STAM: variants seen among roughly 807,000 people sequenced by gnomAD.
STAM encodes signal transducing adaptor molecule.
STAM carries 16 observed loss-of-function variants against 63.4 expected under a neutral mutation model. The ratio of observed to expected loss-of-function variants is 0.25; its 90% confidence interval spans 0.17 to 0.38. STAM has a LOEUF of 0.38. STAM is among the 10% of genes least tolerant of loss of function. STAM has a pLI of 1.00. For synonymous variants in STAM, 238 were observed against 223.9 expected (o/e 1.06, Z -0.56); for missense variants, 636 against 657.1 (o/e 0.97, Z 0.35).
intron 9 of STAM, among the ~76,000 whole-genome samples, chr10:17,703,378 T>G (rs1431679817): frequency 6.6e-6 from 1 of 151,972 alleles, no homozygotes; most frequent in African/African-American, 2.4e-5. Flanking sequence ...TCTCTGATGA[T>G]TAATTCGTTT....
At chr10:17,661,030 T>C (rs1834147064) in intron 2 of STAM, among the ~76,000 whole-genome samples, 1 of 152,190 alleles carries the variant, frequency 6.6e-6, no homozygotes, top group Non-Finnish European at 1.5e-5. Context: ...TTTTCTCCTT[T>C]GTCAGATTTG....
intron 1 of STAM, among the ~76,000 whole-genome samples, 200 bp from the exon 2 acceptor site, chr10:17,660,264 T>C (rs7091657): frequency 0.11 from 16,747 of 152,170 alleles, 987 homozygotes; most frequent in Middle Eastern, 0.16. Context: ...GGCAACTGCA[T>C]TGTGAATAGG....
chr10:17,698,321 A>T (rs1490122238), intron 8 of STAM, among the ~76,000 whole-genome samples: 1 of 151,462 alleles, frequency 6.6e-6, no homozygotes, highest in African/African-American at 2.4e-5. Context: ...TTTTTGGACT[A>T]TTTTTTTGTC....
chr10:17,685,042 T>C, intron 4 of STAM, 115 bp downstream of exon 4: 1 of 771,094 alleles, frequency 1.3e-6, no homozygotes, highest in Middle Eastern at 3.8e-4. Flanking sequence ...CTTTCTAGGC[T>C]GTGTCTATCC....
chr10:17,654,159 A>G (rs965871115), intron 1 of STAM, among the ~76,000 whole-genome samples: 1 of 152,174 alleles, frequency 6.6e-6, no homozygotes, highest in African/African-American at 2.4e-5. Context: ...AGTGCATTGT[A>G]GAGGGTTTCT....
At chr10:17,696,595 C>G in intron 7 of STAM, 180 bp from the exon 8 acceptor site, 2 of 549,686 alleles carry the variant, frequency 3.6e-6, no homozygotes, top group Non-Finnish European at 6.4e-6. Context: ...TGTTGAATAG[C>G]TTCTTACCTT....
chr10:17,648,407 A>C (rs1589016168), intron 1 of STAM, among the ~76,000 whole-genome samples: 1 of 152,218 alleles, frequency 6.6e-6, no homozygotes, highest in East Asian at 1.9e-4. Context: ...AAATAAGAGA[A>C]TAAAAGCTGG....
At chr10:17,701,587 G>C (rs1485068554) in intron 9 of STAM, among the ~76,000 whole-genome samples, 8 of 152,174 alleles carry the variant, frequency 5.3e-5, no homozygotes, top group African/African-American at 1.9e-4. Flanking sequence ...TTACTGGCGG[G>C]CCATTACAGA....
At chr10:17,680,652 C>T (rs1455999482) in intron 2 of STAM, among the ~76,000 whole-genome samples, 1 of 152,132 alleles carries the variant, frequency 6.6e-6, no homozygotes, top group Non-Finnish European at 1.5e-5. Context: ...AGCAATCCTT[C>T]CACCTTCATC....
intron 1 of STAM, among the ~76,000 whole-genome samples, chr10:17,646,660 C>G (rs1554820865): frequency 2.6e-5 from 4 of 152,162 alleles, no homozygotes; most frequent in African/African-American, 9.7e-5. Context: ...TGGTATTGGA[C>G]CAATTCTCTT....
At chr10:17,705,833 C>A in intron 12 of STAM, 92 bp downstream of exon 12, 2 of 1,259,486 alleles carry the variant, frequency 1.6e-6, no homozygotes, top group Admixed American at 2.3e-5. Flanking sequence ...TTTGGGAGGC[C>A]AAGGCAAGAG....
chr10:17,710,251 C>T (rs945279392), intron 13 of STAM, among the ~76,000 whole-genome samples: 1 of 152,038 alleles, frequency 6.6e-6, no homozygotes, highest in South Asian at 2.1e-4. Flanking sequence ...AAGGTCGGGG[C>T]CTTGGGAAAT....
At chr10:17,694,798 T>A (rs961249662) in intron 6 of STAM, 1 of 340,778 alleles carries the variant, frequency 2.9e-6, no homozygotes, top group African/African-American at 2.1e-5. Context: ...CAGAATAATT[T>A]ACATTGTATT....
intron 1 of STAM, among the ~76,000 whole-genome samples, chr10:17,656,854 T>C (rs782010951): frequency 7.9e-5 from 12 of 152,186 alleles, no homozygotes; most frequent in Non-Finnish European, 1.6e-4. Flanking sequence ...GAAAGGAAAG[T>C]GCCCTTGGAA....
At chr10:17,683,214 A>G (rs1306927746) in intron 2 of STAM, among the ~76,000 whole-genome samples, 2 of 152,060 alleles carry the variant, frequency 1.3e-5, no homozygotes, top group African/African-American at 4.8e-5. Flanking sequence ...CTCAGGATGG[A>G]GTACGGTGGT....
At chr10:17,695,362 G>C (rs79344034) in intron 7 of STAM, 121 bp downstream of exon 7, 2 of 893,162 alleles carry the variant, frequency 2.2e-6, no homozygotes, top group Non-Finnish European at 1.6e-6. Context: ...ATGCTGCTCT[G>C]TATGACAGTT....
In STAM at chr10:17,714,192, T is replaced by C. The variant is rs1314813279; in HGVS notation, c.1386-351T>C. ...CCCCAGCTGCTCTTTGTCCTCCGTATTGGGCTTTGTTTTTGTTCTTACCAG... is the reference window on the plus strand; with the variant it reads ...CCCCAGCTGCTCTTTGTCCTCCGTACTGGGCTTTGTTTTTGTTCTTACCAG... On this transcript the variant is annotated intron_variant, in intron 13 of 13. Transcript: ENST00000377524. 2.6e-5 allele frequency among the ~76,000 whole-genome samples: 4 copies of C among 152,318 alleles called. No individual in the cohort carries two copies. The East Asian group carries it at 7.7e-4, about 29-fold the overall frequency.
At position 17,670,545 on chromosome 10, in the gene STAM, C is replaced by G. The variant is rs1446746804; in HGVS notation, c.125+9997C>G. 3.9e-5 allele frequency among the ~76,000 whole-genome samples: 6 copies of G among 152,266 alleles called. No individual in the cohort carries two copies. In the South Asian group the frequency reaches 1.2e-3, roughly 32 times the overall value. ...AAAGTTTTTGGTGATTCCTCTCTCC[C>G]CATACGTTATGTTACATTGTGTTTT... On this transcript the variant is annotated intron_variant, in intron 2 of 13. Transcript: ENST00000377524.
At chr10:17,682,606 A>C (rs1262845887) in intron 2 of STAM, among the ~76,000 whole-genome samples, 2 of 152,212 alleles carry the variant, frequency 1.3e-5, no homozygotes, top group Non-Finnish European at 2.9e-5. Flanking sequence ...ATGGTCAAAG[A>C]ATGTACTTTG....
Sources: allele counts gnomAD v4.1 joint callset (sites outside exome capture counted in the v4.1 genomes callset), GRCh38; gene constraint gnomAD v4.1.1; transcripts MANE v1.5; gene names NCBI Gene and HGNC (gene_info 2026-07-23, HGNC 2026-07-21).